GPC6: variants seen among roughly 807,000 people sequenced by gnomAD.
GPC6 encodes glypican 6.
A neutral mutation model predicts 55.2 loss-of-function variants in GPC6; 14 were observed. That is an observed-to-expected ratio of 0.25 (90% CI 0.17 to 0.40). GPC6 has a LOEUF of 0.40. Among genes scored for constraint, GPC6 ranks in the 10% least tolerant of loss-of-function variants. GPC6 has a pLI of 1.00. For synonymous variants in GPC6, 278 were observed against 259.6 expected (o/e 1.07, Z -0.68); for missense variants, 641 against 708.5 (o/e 0.90, Z 1.08).
At chr13:94,017,919 A>C (rs1594669565) in intron 3 of GPC6, among the ~76,000 whole-genome samples, 1 of 151,728 alleles carries the variant, frequency 6.6e-6, no homozygotes, top group South Asian at 2.1e-4. Context: ...CTTGTGATCC[A>C]CCCGCCTCAG....
At chr13:93,853,753 A>G (rs1325802135) in intron 3 of GPC6, among the ~76,000 whole-genome samples, 1 of 151,584 alleles carries the variant, frequency 6.6e-6, no homozygotes, top group Non-Finnish European at 1.5e-5. Context: ...GTGTTTTCTG[A>G]ATTTCTTTAC....
chr13:93,789,519 A>C (rs760893313), intron 2 of GPC6, among the ~76,000 whole-genome samples: 1,647 of 137,338 alleles, frequency 0.012, 41 homozygotes, highest in African/African-American at 0.016. Flanking sequence ...CTATATATAT[A>C]TATATATATA....
chr13:94,247,755 T>C (rs1891238781), intron 4 of GPC6, among the ~76,000 whole-genome samples: 2 of 152,154 alleles, frequency 1.3e-5, no homozygotes, highest in Admixed American at 6.6e-5. Flanking sequence ...AATTTCCTAA[T>C]ACTGTAATGA....
At chr13:93,949,709 TTA>T (rs1277981363) in intron 3 of GPC6, among the ~76,000 whole-genome samples, 1 of 152,172 alleles carries the variant, frequency 6.6e-6, no homozygotes, top group Non-Finnish European at 1.5e-5. Flanking sequence ...ATTGTTTTCA[TTA>T]TTTTTTAAAT....
chr13:93,771,090 T>C (rs1392233978), intron 2 of GPC6, among the ~76,000 whole-genome samples: 1 of 152,138 alleles, frequency 6.6e-6, no homozygotes, highest in African/African-American at 2.4e-5. Context: ...AACATATTGA[T>C]AACACATACA....
At chr13:94,012,055 T>A (rs1882268491) in intron 3 of GPC6, among the ~76,000 whole-genome samples, 1 of 152,200 alleles carries the variant, frequency 6.6e-6, no homozygotes, top group South Asian at 2.1e-4. Flanking sequence ...ATTTTCTTTG[T>A]CCTTTGATTT....
At position 94,193,944 on chromosome 13, in the gene GPC6, A is replaced by G. The variant is rs1296944579; in HGVS notation, c.878-92405A>G. ...TCTGCTATGTTTTATGCTGGGGGTA[A>G]GTCTGTAATAGCTGCAGTCATTGTG... On this transcript the variant is annotated intron_variant, in intron 4 of 8. Transcript: ENST00000377047. Among the ~76,000 whole-genome samples the G allele has an allele frequency of 2.6e-5, 4 of 152,160 alleles. No homozygotes were observed. The East Asian group carries it at 7.7e-4, about 29-fold the overall frequency.
chr13:94,174,847 C>A lies in GPC6; in HGVS notation c.878-111502C>A, dbSNP rs193010381. Among the ~76,000 whole-genome samples, 27 of 152,142 alleles carry A rather than the reference C, an allele frequency of 1.8e-4. No individual in the cohort carries two copies. In the East Asian group the frequency reaches 1.9e-3, roughly 11 times the overall value. On this transcript the variant is annotated intron_variant, in intron 4 of 8. Transcript: ENST00000377047. ...TTTAGAGCCAGAAAATTCATGATTC[C>A]ATTAATTTTTTAATTTACCTATAAA...
intron 2 of GPC6, among the ~76,000 whole-genome samples, chr13:93,749,387 C>T (rs11842264): frequency 0.02 from 3,001 of 151,964 alleles, 93 homozygotes; most frequent in African/African-American, 0.067. Context: ...TACCGTTTTG[C>T]AGTACAGAAT....
intron 1 of GPC6, among the ~76,000 whole-genome samples, chr13:93,425,326 G>T (rs942200741): frequency 6.6e-6 from 1 of 151,994 alleles, no homozygotes; most frequent in Admixed American, 6.6e-5. Flanking sequence ...AGTTCCAAAA[G>T]CACCTCAAAT....
At chr13:94,251,544 T>A (rs1033236410) in intron 4 of GPC6, among the ~76,000 whole-genome samples, 1 of 151,818 alleles carries the variant, frequency 6.6e-6, no homozygotes, top group African/African-American at 2.4e-5. Flanking sequence ...CCAGAACTTG[T>A]GGGTTTGAAA....
At chr13:94,360,725 TTTTC>T (rs1168883419) in intron 6 of GPC6, among the ~76,000 whole-genome samples, 1 of 152,114 alleles carries the variant, frequency 6.6e-6, no homozygotes, top group Non-Finnish European at 1.5e-5. Flanking sequence ...CCCAAATATA[TTTTC>T]CATCTTTTTT....
chr13:94,314,966 A>G (rs988550048), intron 6 of GPC6, among the ~76,000 whole-genome samples: 2 of 152,220 alleles, frequency 1.3e-5, no homozygotes, highest in Non-Finnish European at 2.9e-5. Flanking sequence ...AAAGGAACCC[A>G]TCTGAGTGAA....
rs553734717 is a variant in GPC6 at position 93,529,191 on chromosome 13, G to A, written c.161-16072G>A. On this transcript the variant is annotated intron_variant, in intron 1 of 8. Transcript: ENST00000377047. ...ACTCTGTTGTATTTTAAGCTTGAAC[G>A]CTGATGCTAACTGATGTTAGGTCCT... Among the ~76,000 whole-genome samples the A allele has an allele frequency of 3.3e-5, 5 of 152,224 alleles. No individual in the cohort carries two copies. In the East Asian group the frequency reaches 5.8e-4, roughly 18 times the overall value.
intron 1 of GPC6, among the ~76,000 whole-genome samples, chr13:93,390,856 G>T (rs1215031490): frequency 6.7e-6 from 1 of 149,850 alleles, no homozygotes; most frequent in Non-Finnish European, 1.5e-5. Context: ...TCCTTATAAG[G>T]GCATTTACCT....
intron 3 of GPC6, among the ~76,000 whole-genome samples, chr13:94,025,796 T>A (rs1410501497): frequency 6.6e-6 from 1 of 152,222 alleles, no homozygotes; most frequent in Non-Finnish European, 1.5e-5. Context: ...CAATTATATT[T>A]TACTTCATTT....
chr13:93,661,056 T>G (rs1481749126), intron 2 of GPC6, among the ~76,000 whole-genome samples: 1 of 152,126 alleles, frequency 6.6e-6, no homozygotes, highest in Non-Finnish European at 1.5e-5. Context: ...TTACTGCACT[T>G]CTTGGAGACT....
intron 2 of GPC6, among the ~76,000 whole-genome samples, chr13:93,650,322 T>G (rs1052985513): frequency 1.3e-5 from 2 of 152,112 alleles, no homozygotes; most frequent in Non-Finnish European, 2.9e-5. Flanking sequence ...TCATCAAGCT[T>G]TTTGCTCTTG....
intron 1 of GPC6, among the ~76,000 whole-genome samples, chr13:93,490,555 C>T (rs1469238189): frequency 8.8e-6 from 1 of 114,096 alleles, no homozygotes; most frequent in Non-Finnish European, 1.7e-5. Context: ...TTTTAGGGTA[C>T]ATGTGCACGT....
Sources: allele counts gnomAD v4.1 joint callset (sites outside exome capture counted in the v4.1 genomes callset), GRCh38; gene constraint gnomAD v4.1.1; transcripts MANE v1.5; gene names NCBI Gene and HGNC (gene_info 2026-07-23, HGNC 2026-07-21).